The following SIL1 variants were observed in gnomAD, a reference collection of about 807,000 sequenced individuals.
The protein encoded by SIL1 is SIL1 nucleotide exchange factor.
A neutral mutation model predicts 49.1 loss-of-function variants in SIL1; 40 were observed. The observed-to-expected ratio is 0.81, with a 90% CI of 0.63 to 1.06. SIL1 has a LOEUF of 1.06. SIL1 is among the 50% of genes least tolerant of loss of function. SIL1 has a pLI of 0.00. For synonymous variants in SIL1, 253 were observed against 250.8 expected (o/e 1.01, Z -0.08); for missense variants, 500 against 572.6 (o/e 0.87, Z 1.29).
At chr5:138,983,290 C>T (rs1344953686) in intron 7 of SIL1, among the ~76,000 whole-genome samples, 4 of 149,552 alleles carry the variant, frequency 2.7e-5, no homozygotes, top group Non-Finnish European at 5.9e-5. Context: ...GGGCGGATCA[C>T]GAGGTCAGGA....
intron 3 of SIL1, among the ~76,000 whole-genome samples, chr5:139,070,186 C>A (rs764906835): frequency 6.6e-6 from 1 of 152,100 alleles, no homozygotes; most frequent in Non-Finnish European, 1.5e-5. Context: ...GTAATCATAT[C>A]AGGGATAGTA....
intron 1 of SIL1, among the ~76,000 whole-genome samples, chr5:139,159,248 A>C (rs1751462542): frequency 6.6e-6 from 1 of 152,224 alleles, no homozygotes; most frequent in South Asian, 2.1e-4. Context: ...TTCTGATGGA[A>C]GAAAGGCCAG....
At chr5:139,035,827 T>A (rs996531269) in intron 5 of SIL1, 5 of 167,808 alleles carry the variant, frequency 3.0e-5, no homozygotes, top group South Asian at 1.5e-4. Flanking sequence ...TTTTTTTGTA[T>A]TTTTAGTAGA....
intron 3 of SIL1, among the ~76,000 whole-genome samples, chr5:139,116,786 A>T (rs1437724517): frequency 6.6e-6 from 1 of 152,228 alleles, no homozygotes; most frequent in East Asian, 1.9e-4. Flanking sequence ...ACAAAGGTAT[A>T]TATTTTTAAA....
rs1434108180 is a variant in SIL1 at position 139,021,778 on chromosome 5, T to C, written c.646-486A>G. The C allele has an allele frequency of 2.1e-5, 4 of 194,036 alleles. No individual in the cohort carries two copies. In the East Asian group the frequency reaches 5.6e-4, roughly 27 times the overall value. 12.0% of individuals were successfully genotyped at this position (194,036 alleles called of 1,614,324 possible). On this transcript the variant is annotated intron_variant, in intron 6 of 9. Coordinates refer to ENST00000394817, the MANE Select transcript of SIL1 (RefSeq NM_022464.5). ...CCTGTTATTGGGAGGGGGGTTGCCG[T>C]AAGAGTGCTGGGGAGGGGGGAATAA... is the stretch of plus-strand genomic sequence containing the variant.
chr5:139,111,277 C>T (rs1207322111), intron 3 of SIL1, among the ~76,000 whole-genome samples: 1 of 152,194 alleles, frequency 6.6e-6, no homozygotes. Context: ...TCCCTACCAC[C>T]TTTCTGTGTC....
chr5:138,964,488 C>T (rs1265787221), intron 7 of SIL1, among the ~76,000 whole-genome samples: 1 of 152,190 alleles, frequency 6.6e-6, no homozygotes, highest in African/African-American at 2.4e-5. Flanking sequence ...TACTGCCCAA[C>T]TGAAGGCAGA....
chr5:139,169,382 T>C (rs1751687987), intron 1 of SIL1, among the ~76,000 whole-genome samples: 1 of 152,132 alleles, frequency 6.6e-6, no homozygotes, highest in African/African-American at 2.4e-5. Flanking sequence ...CATTATTATA[T>C]TCAAATGTCC....
In SIL1 at chr5:139,167,022, C is replaced by T. The variant is rs867685499; in HGVS notation, c.-11+31247G>A. On this transcript the variant is annotated intron_variant, in intron 1 of 9. Transcript: ENST00000394817. ...AGAGACGGGGTTTCACCGTGTTAGC[C>T]AGGATGGTCTCGATCTCCTGACCTT... Among the ~76,000 whole-genome samples, 120 of 152,126 alleles carry T rather than the reference C, an allele frequency of 7.9e-4. 1 individual carries two copies. The highest frequency in any genetic ancestry group is 2.7e-3 in the African/African-American group (113 of 41,420).
At chr5:139,129,442 G>A (rs1750817776) in intron 1 of SIL1, among the ~76,000 whole-genome samples, 1 of 152,132 alleles carries the variant, frequency 6.6e-6, no homozygotes, top group Non-Finnish European at 1.5e-5. Context: ...CCCAGCCAAG[G>A]CGGGCAGATC....
chr5:139,145,876 C>T (rs1751186040), intron 1 of SIL1, among the ~76,000 whole-genome samples: 1 of 149,918 alleles, frequency 6.7e-6, no homozygotes, highest in Non-Finnish European at 1.5e-5. Flanking sequence ...CTGGGCAACA[C>T]AGAGAGACCT....
rs1766689800 is a variant in SIL1, at chr5:138,948,623, G to A, written c.1030-1150C>T. On this transcript the variant is annotated intron_variant, in intron 9 of 9. Transcript: ENST00000394817. This position sits in a 1 kb window ranked among gnomAD's most constrained non-coding sequence, Gnocchi z 4.8. ...TCTGGAGGCGCAGCTCCGACTTCCA[G>A]GTGCACCCCCGCATTGGCCCCATTC... 3.1e-5 allele frequency among the ~76,000 whole-genome samples: 1 copy of A among 32,078 alleles called. No homozygotes were observed. The highest frequency in any genetic ancestry group is 1.5e-3 in the South Asian group (1 of 666). The allele number at this position is 32,078 out of a possible 152,430, so 21.0% of individuals were successfully genotyped here. A position where few individuals can be genotyped will look rare whatever the true frequency, so the allele number is the denominator to read the frequency against.
intron 3 of SIL1, among the ~76,000 whole-genome samples, chr5:139,116,273 T>C (rs1388381065): frequency 6.6e-6 from 1 of 152,268 alleles, no homozygotes; most frequent in Non-Finnish European, 1.5e-5. Context: ...AATTCTTGGA[T>C]TGCTCTCATC....
chr5:139,117,178 C>T (rs1217354892), intron 3 of SIL1, among the ~76,000 whole-genome samples: 1 of 152,112 alleles, frequency 6.6e-6, no homozygotes, highest in Non-Finnish European at 1.5e-5. Flanking sequence ...TTCTCTGTAT[C>T]CTTTGTAAGA....
rs1766718805 is a variant in SIL1, at chr5:138,949,738, G to C, written c.1029+1433C>G. Among the ~76,000 whole-genome samples the C allele has an allele frequency of 2.7e-5, 4 of 146,004 alleles. No individual in the cohort carries two copies. The Admixed American group carries it at 2.8e-4, about 10-fold the overall frequency. ...AGGTGGGAGGATCACTTGAGTCTGG[G>C]AGGCAGAGTTTACAGTGAGCCAAGA... On this transcript the variant is annotated intron_variant, in intron 9 of 9. Coordinates refer to ENST00000394817, the MANE Select transcript of SIL1 (RefSeq NM_022464.5).
intron 1 of SIL1, among the ~76,000 whole-genome samples, chr5:139,180,183 AGC>A (rs1001436027): frequency 2.0e-5 from 3 of 151,720 alleles, no homozygotes; most frequent in Non-Finnish European, 4.4e-5. Flanking sequence ...GTTCAAGACC[AGC>A]CTGACCAACA....
At chr5:139,162,205 A>G (rs534007949) in intron 1 of SIL1, among the ~76,000 whole-genome samples, 1 of 152,248 alleles carries the variant, frequency 6.6e-6, no homozygotes, top group South Asian at 2.1e-4. Context: ...TGACCTCTCC[A>G]TGTCTCACCC....
At chr5:139,002,958 A>C (rs942397774) in intron 7 of SIL1, among the ~76,000 whole-genome samples, 1 of 152,040 alleles carries the variant, frequency 6.6e-6, no homozygotes, top group Non-Finnish European at 1.5e-5. Context: ...TCGGGAAGAG[A>C]TTAAGAGCTA....
intron 1 of SIL1, among the ~76,000 whole-genome samples, chr5:139,171,922 G>T (rs189346689): frequency 1.4e-4 from 21 of 152,008 alleles, no homozygotes; most frequent in African/African-American, 5.1e-4. Context: ...ATCTTAAAAA[G>T]AAACCAAAAA....
Sources: gnomAD v4.1 joint callset for allele counts (sites outside exome capture counted in the v4.1 genomes callset) on GRCh38, gnomAD v4.1.1 for gene constraint, Gnocchi (gnomAD v3.1) non-coding constraint, MANE v1.5 for transcripts, NCBI Gene and HGNC (gene_info 2026-07-23, HGNC 2026-07-21) for gene names.